Variants in FAT4 observed in about 807,000 individuals in gnomAD.
FAT4 encodes the protein protocadherin Fat 4.
A neutral mutation model predicts 303.9 loss-of-function variants in FAT4; 84 were observed. That is an observed-to-expected ratio of 0.28 (90% confidence interval 0.23 to 0.33). The LOEUF (loss-of-function observed/expected upper bound fraction) is 0.33. Ranked by LOEUF, FAT4 falls within the 10% of genes least tolerant of loss-of-function variation. The pLI, the probability that FAT4 is intolerant of heterozygous loss-of-function variation, is 1.00. For missense variants in FAT4, 6,005 were observed against 6,146.8 expected (o/e 0.98, Z 0.77); for synonymous variants, 2,307 against 2,298.8 (o/e 1.00, Z -0.10).
intron 2 of FAT4, among the ~76,000 whole-genome samples, chr4:125,376,007 T>A (rs1168923841): frequency 6.6e-6 from 1 of 152,224 alleles, no homozygotes; most frequent in East Asian, 1.9e-4. Flanking sequence ...CATGTAGTGT[T>A]GGCATCTGTT....
intron 6 of FAT4, among the ~76,000 whole-genome samples, chr4:125,416,195 G>T (rs1735054665): frequency 6.6e-6 from 1 of 152,056 alleles, no homozygotes; most frequent in African/African-American, 2.4e-5. Context: ...AACTACCTAG[G>T]TGAAACTGCT....
intron 16 of FAT4, among the ~76,000 whole-genome samples, chr4:125,485,444 C>T (rs1727374958): frequency 1.3e-5 from 2 of 151,876 alleles, no homozygotes; most frequent in Admixed American, 1.3e-4. Context: ...TAAACTTTTG[C>T]ATTAGTAACT....
chr4:125,409,452 C>T (rs1479507973), intron 5 of FAT4, among the ~76,000 whole-genome samples: 1 of 152,056 alleles, frequency 6.6e-6, no homozygotes, highest in Admixed American at 6.6e-5. Context: ...GACGGGGTTT[C>T]TCCATGTTGG....
chr4:125,387,864 C>A (rs1221185898), intron 2 of FAT4, among the ~76,000 whole-genome samples: 1 of 152,112 alleles, frequency 6.6e-6, no homozygotes, highest in Admixed American at 6.6e-5. Flanking sequence ...ATTGTTTTGG[C>A]TTTTGTATCT....
chr4:125,327,507 G>T (rs892885018), intron 2 of FAT4, among the ~76,000 whole-genome samples: 1 of 152,072 alleles, frequency 6.6e-6, no homozygotes, highest in Non-Finnish European at 1.5e-5. Flanking sequence ...TTCCCTATTG[G>T]TATGTTTTTA....
chr4:125,427,053 T>C lies in FAT4; in HGVS notation c.7019-7192T>C, dbSNP rs572454757. On this transcript the variant is annotated intron_variant, in intron 7 of 17. Transcript: ENST00000394329. ...GAGGTAGGTTGAGTTTAAAATTAGG[T>C]GGTAGCCTCTAGTGTTTCAGAGTTT... Among the ~76,000 whole-genome samples the C allele has an allele frequency of 2.4e-3, 363 of 152,036 alleles. 4 individuals carry two copies. Among genetic ancestry groups the C allele is most frequent in the Admixed American group, 8.1e-3 (124 of 15,278 alleles).
At chr4:125,452,842 A>G (rs1206145620) in intron 10 of FAT4, 32 bp downstream of exon 10, 1 of 1,549,714 alleles carries the variant, frequency 6.5e-7, no homozygotes, top group Non-Finnish European at 8.7e-7. Flanking sequence ...TCTCACTAAG[A>G]CTTTAGCCAT....
rs757005620 is a variant in FAT4 at position 125,318,415 on chromosome 4, C to A, written c.2004C>A (p.Pro668=). ...LVLATDLGSP[P]QSSMARINVS... ...TGGCCACAGATCTGGGCTCCCCTCC[C>A]CAGTCATCAATGGCTCGCATAAATG... The change falls in exon 2 of 18, where the codon CCC becomes CCA. Residue 668 remains proline, a synonymous_variant. Coordinates refer to ENST00000394329, the MANE Select transcript of FAT4 (RefSeq NM_001291303.3). 19 of 1,614,032 alleles carry A rather than the reference C, an allele frequency of 1.2e-5. No individual in the cohort carries two copies. The Admixed American group carries it at 3.2e-4, about 27-fold the overall frequency.
intron 2 of FAT4, among the ~76,000 whole-genome samples, chr4:125,381,202 G>A (rs1437708223): frequency 6.6e-6 from 1 of 152,130 alleles, no homozygotes; most frequent in Non-Finnish European, 1.5e-5. Flanking sequence ...TATGTGAGTA[G>A]AAGAGACAAA....
At chr4:125,358,963 A>G (rs1195757186) in intron 2 of FAT4, among the ~76,000 whole-genome samples, 1 of 152,190 alleles carries the variant, frequency 6.6e-6, no homozygotes, top group Non-Finnish European at 1.5e-5. Flanking sequence ...GTTATACAAA[A>G]CATGATTACC....
chr4:125,326,878 T>G (rs1447009286), intron 2 of FAT4, among the ~76,000 whole-genome samples: 1 of 151,908 alleles, frequency 6.6e-6, no homozygotes, highest in Non-Finnish European at 1.5e-5. Flanking sequence ...TACAAAAATT[T>G]GCCGGGCATG....
At chr4:125,418,205 T>C (rs1328456933) in intron 7 of FAT4, among the ~76,000 whole-genome samples, 1 of 152,114 alleles carries the variant, frequency 6.6e-6, no homozygotes, top group Non-Finnish European at 1.5e-5. Flanking sequence ...GCCTGGAAAA[T>C]ATCAAAGTGT....
rs980512877 is a variant in FAT4 at position 125,492,028 on chromosome 4, T to C, written c.*260T>C. 2.5e-6 allele frequency: 1 copy of C among 401,314 alleles called. No individual in the cohort carries two copies. Among genetic ancestry groups the C allele is most frequent in the Non-Finnish European group, 4.4e-6 (1 of 227,590 alleles). 24.9% of individuals were successfully genotyped at this position (401,314 alleles called of 1,614,324 possible). On this transcript the variant is annotated 3_prime_UTR_variant, in exon 18 of 18. Coordinates refer to ENST00000394329, the MANE Select transcript of FAT4 (RefSeq NM_001291303.3). ...ATGTGGCATGCAGCATTTGGAAAATTTTTCTTATTTACCAGTGTTTGATTT... is the reference window on the plus strand; with the variant it reads ...ATGTGGCATGCAGCATTTGGAAAATCTTTCTTATTTACCAGTGTTTGATTT...
rs933633163 is a variant in FAT4, at chr4:125,451,181, G to A, written c.10171G>A (p.Val3391Ile). 6.2e-7 allele frequency: 1 copy of A among 1,614,070 alleles called. No individual in the cohort carries two copies. The highest frequency in any genetic ancestry group is 1.1e-5 in the South Asian group (1 of 91,080). The change falls in exon 10 of 18, where the codon GTC becomes ATC. Residue 3391 changes from valine to isoleucine, a missense_variant. Coordinates refer to ENST00000394329, the MANE Select transcript of FAT4 (RefSeq NM_001291303.3). ...GSIRGADIDE[V>I]TVNVTVLDAN... ...CATTAGAGGTGCAGATATAGATGAG[G>A]TCACTGTAAATGTCACCGTGCTTGA...
At chr4:125,412,103 T>C (rs901483421) in intron 5 of FAT4, among the ~76,000 whole-genome samples, 2 of 151,828 alleles carry the variant, frequency 1.3e-5, no homozygotes, top group African/African-American at 4.8e-5. Flanking sequence ...TACTGTCTCA[T>C]GGTTCAGATA....
Position 125,477,176 on chromosome 4 carries a change from T to A in FAT4, c.12321T>A (p.Asn4107Lys). 1 of 1,382,222 alleles carries A rather than the reference T, an allele frequency of 7.2e-7. No individual in the cohort carries two copies. Among genetic ancestry groups the A allele is most frequent in the Admixed American group, 2.7e-5 (1 of 37,712 alleles). 85.6% of individuals were successfully genotyped at this position (1,382,222 alleles called of 1,614,324 possible). Residue 4107 changes from asparagine (N) to lysine (K), a missense_variant, in exon 14 of 18, where the codon AAT (asparagine) becomes AAA (lysine). Coordinates refer to ENST00000394329, the MANE Select transcript of FAT4 (RefSeq NM_001291303.3). The stretch of plus-strand genomic sequence containing the variant: ...TTAGGACTCTTGATGTTCAGCCAAA[T>A]AGAGTTACAGTTGGAGGTATCAGAT... ...SDDWTLDVQP[N>K]RVTVGGIRSL...
At chr4:125,373,077 A>G (rs904999385) in intron 2 of FAT4, among the ~76,000 whole-genome samples, 6 of 152,190 alleles carry the variant, frequency 3.9e-5, no homozygotes, top group African/African-American at 1.4e-4. Flanking sequence ...ACAAAATAAC[A>G]AAACAGGAAT....
chr4:125,474,849 C>G (rs770800068), intron 12 of FAT4, among the ~76,000 whole-genome samples: 14 of 151,880 alleles, frequency 9.2e-5, no homozygotes, highest in Non-Finnish European at 1.8e-4. Context: ...TTTTTTAATA[C>G]AGAAAATTTG....
chr4:125,396,172 C>T (rs975350873), intron 2 of FAT4, among the ~76,000 whole-genome samples: 4 of 151,958 alleles, frequency 2.6e-5, no homozygotes, highest in East Asian at 1.9e-4. Flanking sequence ...GGCACTAGGT[C>T]GTTCCTTACC....
Sources: gnomAD v4.1 joint callset for allele counts (sites outside exome capture counted in the v4.1 genomes callset) on GRCh38, gnomAD v4.1.1 for gene constraint, MANE v1.5 for transcripts, NCBI Gene and HGNC (gene_info 2026-07-23, HGNC 2026-07-21) for gene names.